The following PIEZO2 variants were observed in gnomAD, a reference collection of about 807,000 sequenced individuals.
PIEZO2 encodes piezo-type mechanosensitive ion channel component 2.
A neutral mutation model predicts 337.3 loss-of-function variants in PIEZO2; 172 were observed. The ratio of observed to expected loss-of-function variants is 0.51; its 90% CI spans 0.45 to 0.58. The LOEUF (loss-of-function observed/expected upper bound fraction) is 0.58. Ranked by LOEUF, PIEZO2 falls within the 20% of genes least tolerant of loss-of-function variation. The probability of loss-of-function intolerance (pLI) is 0.00; values close to 1 mark genes in which losing one functional copy is unlikely to be tolerated. For synonymous variants in PIEZO2, 1,251 were observed against 1,228.5 expected (o/e 1.02, Z -0.38); for missense variants, 3,028 against 3,391.3 (o/e 0.89, Z 2.66).
chr18:10,774,144 AT>A (rs2038704472), intron 18 of PIEZO2, 106 bp from the exon 19 acceptor site: 1 of 679,912 alleles, frequency 1.5e-6, no homozygotes, highest in Admixed American at 2.1e-5. Flanking sequence ...CCACTATTGC[AT>A]TCCTGTATGC....
At chr18:10,800,657 C>T (rs932692291) in intron 10 of PIEZO2, among the ~76,000 whole-genome samples, 182 bp from the exon 11 acceptor site, 1 of 152,250 alleles carries the variant, frequency 6.6e-6, no homozygotes, top group African/African-American at 2.4e-5. Context: ...CTCTCCAACT[C>T]TAGTCTCCAC....
intron 1 of PIEZO2, among the ~76,000 whole-genome samples, chr18:11,066,891 C>T (rs543500128): frequency 3.9e-5 from 6 of 152,322 alleles, no homozygotes; most frequent in Admixed American, 3.3e-4. Context: ...TGAGCCACCG[C>T]ATCTGGCCTA....
In PIEZO2 at chr18:10,675,274, A is replaced by G. The variant is rs752572148; in HGVS notation, c.8096T>C (p.Ile2699Thr). The G allele has an allele frequency of 5.2e-6, 8 of 1,536,940 alleles. No homozygotes were observed. The Admixed American group carries it at 1.7e-4, about 32-fold the overall frequency. Reference protein sequence around the residue: ...SSKTPVTIEKIYPYYVKAPSD... With the variant: ...SSKTPVTIEKTYPYYVKAPSD... Reference sequence around the variant, plus strand: ...AGGTGCTTTCACATAATATGGATAAATCTTTTCTATGGTCCTGTACATTAA... The same window carrying G: ...AGGTGCTTTCACATAATATGGATAAGTCTTTTCTATGGTCCTGTACATTAA... Residue 2699 changes from isoleucine to threonine, a missense_variant, in exon 54 of 56, where the codon ATT becomes ACT. By Grantham distance (89) the Ile-to-Thr change is moderately conservative (BLOSUM62 -1). This residue lies in a region of PIEZO2 where 332 missense variants were observed against 363.8 expected (regional missense o/e 0.91). Transcript: ENST00000674853.
intron 2 of PIEZO2, among the ~76,000 whole-genome samples, chr18:11,050,081 G>A (rs541815843): frequency 1.3e-5 from 2 of 152,122 alleles, no homozygotes; most frequent in South Asian, 4.2e-4. Context: ...AGGCAACAAT[G>A]GAATATGACA....
chr18:10,692,152 C>T (rs144955796), intron 47 of PIEZO2, among the ~76,000 whole-genome samples: 2,216 of 151,892 alleles, frequency 0.015, 54 homozygotes, highest in African/African-American at 0.051. Flanking sequence ...GGACTGCTAG[C>T]ACAAGTTTGA....
rs560700039 is a variant in PIEZO2 at position 11,083,694 on chromosome 18, C to T, written c.65-17472G>A. 7.2e-5 allele frequency among the ~76,000 whole-genome samples: 11 copies of T among 152,142 alleles called. No individual in the cohort carries two copies. The highest frequency in any genetic ancestry group is 1.5e-4 in the Non-Finnish European group (10 of 68,026). ...TCATTTAGGACACTTAGTAGGAATC[C>T]TCAGGCAGAAGACTAAGAAAATTTG... On this transcript the variant is annotated intron_variant, in intron 1 of 55. Coordinates refer to ENST00000674853, the MANE Select transcript of PIEZO2 (RefSeq NM_001378183.1). This position sits in a 1 kb window ranked among gnomAD's most constrained non-coding sequence, Gnocchi z 4.4.
Position 10,763,242 on chromosome 18 carries a change from G to T in PIEZO2, c.2947-144C>A, listed in dbSNP as rs528211903. 2.2e-5 allele frequency: 18 copies of T among 822,294 alleles called. No individual in the cohort carries two copies. In the East Asian group the frequency reaches 3.7e-4, roughly 17 times the overall value. The allele number at this position is 822,294 out of a possible 1,614,324, so 50.9% of individuals were successfully genotyped here. On this transcript the variant is annotated intron_variant, in intron 21 of 55. Transcript: ENST00000674853. ...GCATGCGCAAGGAATTGCCCTAGGT[G>T]CTGGGGTACTAAAGTAGGTGAGTTA...
rs113371336 is a variant in PIEZO2, at chr18:11,035,314, CCTCT to C, written c.160+30809_160+30812del. Among the ~76,000 whole-genome samples the C allele has an allele frequency of 0.36, 54,500 of 149,578 alleles. 9,867 individuals are homozygous for C. Among genetic ancestry groups the C allele is most frequent in the Middle Eastern group, 0.5 (144 of 290 alleles). On this transcript the variant is annotated intron_variant, in intron 2 of 55. Coordinates refer to ENST00000674853, the MANE Select transcript of PIEZO2 (RefSeq NM_001378183.1). The surrounding 1 kb of genome is among the most constrained non-coding windows in gnomAD (Gnocchi z 4.3). Reference sequence around the variant, plus strand: ...AAGCCTGGCACCTTCTCTCTCTCTCCCTCTCTCTCTCTCTCTCTCTTTCTCTCTC... The same window carrying C: ...AAGCCTGGCACCTTCTCTCTCTCTCCCTCTCTCTCTCTCTCTTTCTCTCTC...
chr18:10,751,462 G>A (rs2037641901), intron 28 of PIEZO2, among the ~76,000 whole-genome samples: 1 of 152,086 alleles, frequency 6.6e-6, no homozygotes, highest in Non-Finnish European at 1.5e-5. Context: ...TGTCAGAGGG[G>A]TAAAAGTGAC....
At chr18:10,949,140 C>A (rs527313781) in intron 3 of PIEZO2, among the ~76,000 whole-genome samples, 1 of 152,204 alleles carries the variant, frequency 6.6e-6, no homozygotes, top group South Asian at 2.1e-4. Flanking sequence ...GATAAAATTT[C>A]CGAGGAAGTA....
intron 3 of PIEZO2, among the ~76,000 whole-genome samples, chr18:10,958,221 A>C (rs1223363455): frequency 6.6e-6 from 1 of 152,234 alleles, no homozygotes; most frequent in African/African-American, 2.4e-5. Flanking sequence ...TAATTTTGCC[A>C]TTTGAGACTA....
At chr18:10,968,694 CT>C (rs1220316330) in intron 3 of PIEZO2, among the ~76,000 whole-genome samples, 1 of 151,018 alleles carries the variant, frequency 6.6e-6, no homozygotes, top group Non-Finnish European at 1.5e-5. Context: ...AAAGAAAATA[CT>C]TTTTTCAAAA....
rs183881098 is a variant in PIEZO2 at position 10,930,932 on chromosome 18, G to C, written c.287-19704C>G. ...CACCATGGTATGACATACAGAGGCT[G>C]TCCTTGGTTTTTCTAAGCCTTTTTA... On this transcript the variant is annotated intron_variant, in intron 3 of 55. Coordinates refer to ENST00000674853, the MANE Select transcript of PIEZO2 (RefSeq NM_001378183.1). Among the ~76,000 whole-genome samples the C allele has an allele frequency of 6.1e-4, 93 of 152,292 alleles. No individual in the cohort carries two copies. The East Asian group carries it at 0.015, about 24-fold the overall frequency.
intron 2 of PIEZO2, among the ~76,000 whole-genome samples, chr18:11,059,515 T>G (rs1222825330): frequency 6.6e-6 from 1 of 152,112 alleles, no homozygotes; most frequent in African/African-American, 2.4e-5. Context: ...GAAACCCATC[T>G]CATGTGCAGA....
chr18:10,800,204 A>C, intron 11 of PIEZO2, 133 bp downstream of exon 11: 1 of 1,259,178 alleles, frequency 7.9e-7, no homozygotes, highest in Non-Finnish European at 1.1e-6. Flanking sequence ...GCAGAACTTA[A>C]AGAAGTGAGG....
At chr18:10,797,197 C>T (rs951069040) in intron 12 of PIEZO2, among the ~76,000 whole-genome samples, 177 bp downstream of exon 12, 4 of 134,158 alleles carry the variant, frequency 3.0e-5, no homozygotes, top group African/African-American at 1.0e-4. Context: ...ATCATACATA[C>T]CATCATATCA....
chr18:10,724,014 A>G lies in PIEZO2; in HGVS notation c.5030-5755T>C, dbSNP rs1253243967. On this transcript the variant is annotated intron_variant, in intron 36 of 55. Transcript: ENST00000674853. This position sits in a 1 kb window ranked among gnomAD's most constrained non-coding sequence, Gnocchi z 5.8. The stretch of plus-strand genomic sequence containing the variant: ...GCACTGAGAAGATGCCATAGGCAGA[A>G]GGCAGCCCCTGAGGCCTTCTCACCT... Among the ~76,000 whole-genome samples, 3 of 152,202 alleles carry G rather than the reference A, an allele frequency of 2.0e-5. No individual in the cohort carries two copies. Among genetic ancestry groups the G allele is most frequent in the Non-Finnish European group, 4.4e-5 (3 of 68,042 alleles).
intron 20 of PIEZO2, among the ~76,000 whole-genome samples, chr18:10,770,913 T>C (rs1164864984): frequency 2.6e-5 from 4 of 152,170 alleles, no homozygotes; most frequent in African/African-American, 9.6e-5. Context: ...GTATTTTCAG[T>C]AGAAATAGGA....
chr18:10,762,835 A>C (rs1156906124), intron 22 of PIEZO2, 87 bp downstream of exon 22: 2 of 1,445,600 alleles, frequency 1.4e-6, no homozygotes, highest in African/African-American at 1.4e-5. Flanking sequence ...GGTCAGGCCA[A>C]ATGTGCTTGG....
Sources: gnomAD v4.1 joint callset for allele counts (sites outside exome capture counted in the v4.1 genomes callset) on GRCh38, gnomAD v4.1.1 for gene constraint, gnomAD v4.1.1 regional missense constraint, Gnocchi (gnomAD v3.1) non-coding constraint, MANE v1.5 for transcripts, NCBI Gene and HGNC (gene_info 2026-07-23, HGNC 2026-07-21) for gene names.